HTR2C: variants seen among roughly 807,000 people sequenced by gnomAD.
HTR2C encodes 5-hydroxytryptamine (serotonin) receptor 2C, G protein-coupled.
Under a neutral mutation model 21.0 loss-of-function variants are expected in HTR2C, and 5 were observed. That is an observed-to-expected ratio of 0.24 (90% confidence interval 0.12 to 0.50). HTR2C has a LOEUF of 0.50. Among genes scored for constraint, HTR2C ranks in the 20% least tolerant of loss-of-function variants. HTR2C has a pLI of 0.98. For synonymous variants in HTR2C, 150 were observed against 145.3 expected (o/e 1.03, Z -0.23); for missense variants, 271 against 371.2 (o/e 0.73, Z 2.22).
chrX:114,814,032 A>G (rs781920535), intron 4 of HTR2C, among the ~76,000 whole-genome samples: 20 of 111,209 alleles, frequency 1.8e-4, no homozygotes, highest in Non-Finnish European at 3.6e-4. Flanking sequence ...CTTCCCAGAT[A>G]AAGTACTGTC....
intron 4 of HTR2C, among the ~76,000 whole-genome samples, chrX:114,785,825 A>G (rs1254165390): frequency 8.9e-6 from 1 of 112,276 alleles, no homozygotes; most frequent in Non-Finnish European, 1.9e-5. Context: ...GTGAATTTTT[A>G]TGGAAATTAT....
chrX:114,702,105 G>A (rs1200062070), intron 2 of HTR2C, among the ~76,000 whole-genome samples: 1 of 111,285 alleles, frequency 9.0e-6, no homozygotes, highest in Non-Finnish European at 1.9e-5. Flanking sequence ...GAAAGTGATG[G>A]GGAGAATGGA....
At chrX:114,706,878 A>T (rs1379173476) in intron 2 of HTR2C, among the ~76,000 whole-genome samples, 1 of 111,287 alleles carries the variant, frequency 9.0e-6, no homozygotes, top group African/African-American at 3.3e-5. Flanking sequence ...TCAAGAAAAA[A>T]GTAGTAACCA....
At chrX:114,724,540 G>T (rs1556421409) in intron 2 of HTR2C, among the ~76,000 whole-genome samples, 1 of 62,092 alleles carries the variant, frequency 1.6e-5, no homozygotes, top group Non-Finnish European at 3.3e-5. Context: ...TGTTATGTGT[G>T]AATTTGATCC....
chrX:114,703,442 A>G (rs1305328478), intron 2 of HTR2C, among the ~76,000 whole-genome samples: 3 of 110,870 alleles, frequency 2.7e-5, no homozygotes, highest in Non-Finnish European at 5.7e-5. Flanking sequence ...AAACTGAACA[A>G]CCTGCTCCTG....
intron 1 of HTR2C, among the ~76,000 whole-genome samples, chrX:114,603,366 G>A (rs987121226): frequency 9.1e-6 from 1 of 109,528 alleles, no homozygotes; most frequent in Non-Finnish European, 1.9e-5. Context: ...AAGTATTAAA[G>A]CAGCAGCAGC....
chrX:114,776,751 T>C, intron 4 of HTR2C: 2 of 391,642 alleles, frequency 5.1e-6, no homozygotes, highest in Non-Finnish European at 9.6e-6. Context: ...TCAAGATCAA[T>C]ACCAACTGCA....
intron 2 of HTR2C, among the ~76,000 whole-genome samples, chrX:114,648,173 G>A (rs1201623752): frequency 9.0e-6 from 1 of 111,088 alleles, no homozygotes; most frequent in Admixed American, 9.6e-5. Flanking sequence ...AACTTAACAA[G>A]GCCTATTTGT....
At chrX:114,847,926 T>C in intron 4 of HTR2C, 77 bp from the exon 5 acceptor site, 1 of 760,842 alleles carries the variant, frequency 1.3e-6, no homozygotes, top group Non-Finnish European at 1.9e-6. Flanking sequence ...TGAGAAAATA[T>C]AAGCAGACTA....
chrX:114,805,236 G>A (rs912058776), intron 4 of HTR2C, among the ~76,000 whole-genome samples: 4 of 109,325 alleles, frequency 3.7e-5, no homozygotes, highest in East Asian at 2.9e-4. Context: ...TTGTTTCTGC[G>A]TGCCTGATTC....
At chrX:114,867,475 T>C (rs1312173633) in intron 5 of HTR2C, among the ~76,000 whole-genome samples, 5 of 111,195 alleles carry the variant, frequency 4.5e-5, no homozygotes, top group Non-Finnish European at 5.7e-5. Flanking sequence ...ACTTTGTTGA[T>C]TGTACCCTTT....
chrX:114,725,787 G>T (rs1328896900), intron 2 of HTR2C, among the ~76,000 whole-genome samples: 3 of 111,064 alleles, frequency 2.7e-5, no homozygotes, highest in African/African-American at 6.5e-5. Flanking sequence ...TGAGGTGTCA[G>T]TCTGCCCCTG....
At chrX:114,742,249 G>T (rs370336213) in intron 4 of HTR2C, among the ~76,000 whole-genome samples, 2 of 111,451 alleles carry the variant, frequency 1.8e-5, no homozygotes, top group African/African-American at 6.5e-5. Flanking sequence ...TTAATTCTGC[G>T]TTTAAACCTG....
At chrX:114,891,367 G>A (rs1199831390) in intron 5 of HTR2C, among the ~76,000 whole-genome samples, 2 of 109,737 alleles carry the variant, frequency 1.8e-5, no homozygotes, top group African/African-American at 6.6e-5. Flanking sequence ...ACTGGATATT[G>A]TTATACATTG....
intron 2 of HTR2C, among the ~76,000 whole-genome samples, chrX:114,724,034 T>A (rs1243384928): frequency 9.7e-6 from 1 of 102,576 alleles, no homozygotes; most frequent in Non-Finnish European, 2.0e-5. Context: ...TATTAGGTCC[T>A]CTTGGTGCAG....
At chrX:114,709,908 T>C (rs1932866400) in intron 2 of HTR2C, among the ~76,000 whole-genome samples, 1 of 111,518 alleles carries the variant, frequency 9.0e-6, no homozygotes, top group South Asian at 3.7e-4. Flanking sequence ...TTTCTTTCAC[T>C]TAAAGAGAGG....
At chrX:114,889,982 G>A (rs1208165988) in intron 5 of HTR2C, among the ~76,000 whole-genome samples, 3 of 111,589 alleles carry the variant, frequency 2.7e-5, no homozygotes, top group Non-Finnish European at 5.6e-5. Context: ...TTCTGATGAT[G>A]TTGAATCTAT....
At chrX:114,806,518 ACATATATACAC>A (rs2147439324) in intron 4 of HTR2C, among the ~76,000 whole-genome samples, 1 of 94,174 alleles carries the variant, frequency 1.1e-5, no homozygotes, top group Admixed American at 1.3e-4. Context: ...TATATACACC[ACATATATACAC>A]CATATATATA....
intron 4 of HTR2C, among the ~76,000 whole-genome samples, chrX:114,770,956 G>T (rs782279555): frequency 5.5e-5 from 6 of 108,922 alleles, no homozygotes; most frequent in Non-Finnish European, 1.1e-4. Flanking sequence ...TGCCTGCCAC[G>T]ACACCCGGCT....
Sources: gnomAD v4.1 joint callset for allele counts (sites outside exome capture counted in the v4.1 genomes callset) on GRCh38, gnomAD v4.1.1 for gene constraint, MANE v1.5 for transcripts, NCBI Gene and HGNC (gene_info 2026-07-23, HGNC 2026-07-21) for gene names.